BRINP3: variants seen among roughly 807,000 people sequenced by gnomAD.
BRINP3 encodes the protein BMP/retinoic acid-inducible neural-specific protein 3.
BRINP3 carries 19 observed loss-of-function variants against 71.0 expected under a neutral mutation model. That is an observed-to-expected ratio of 0.27 (90% CI 0.19 to 0.39). The LOEUF (loss-of-function observed/expected upper bound fraction) is 0.39. Ranked by LOEUF, BRINP3 falls within the 10% of genes least tolerant of loss-of-function variation. The probability of loss-of-function intolerance (pLI) is 1.00; values close to 1 mark genes in which losing one functional copy is unlikely to be tolerated. For synonymous variants in BRINP3, 380 were observed against 337.7 expected (o/e 1.13, Z -1.37); for missense variants, 959 against 940.8 (o/e 1.02, Z -0.25).
At chr1:190,278,220 C>T (rs1445641281) in intron 3 of BRINP3, among the ~76,000 whole-genome samples, 1 of 151,606 alleles carries the variant, frequency 6.6e-6, no homozygotes, top group African/African-American at 2.4e-5. Flanking sequence ...GATTTAGGTA[C>T]TTAGGAAGCA....
chr1:190,275,310 T>A (rs1187086289), intron 3 of BRINP3, among the ~76,000 whole-genome samples: 1 of 151,616 alleles, frequency 6.6e-6, no homozygotes, highest in Admixed American at 6.6e-5. Context: ...TTAAGATTAT[T>A]TCTCAGAACA....
chr1:190,201,468 A>G lies in BRINP3; in HGVS notation c.961+24614T>C, dbSNP rs1262390661. Reference sequence around the variant, plus strand: ...AGAAAAGAAAATCCCATTTTAGTTGAAGAAATTCAAGCTGGCTGCATAATT... The same window carrying G: ...AGAAAAGAAAATCCCATTTTAGTTGGAGAAATTCAAGCTGGCTGCATAATT... On this transcript the variant is annotated intron_variant, in intron 6 of 7. Transcript: ENST00000367462. 2.6e-5 allele frequency among the ~76,000 whole-genome samples: 4 copies of G among 152,236 alleles called. No individual in the cohort carries two copies. In the East Asian group the frequency reaches 7.7e-4, roughly 29 times the overall value.
intron 7 of BRINP3, chr1:190,154,148 T>C (rs1177485880): frequency 1.1e-5 from 9 of 785,118 alleles, no homozygotes; most frequent in Non-Finnish European, 1.4e-5. Context: ...CATATTCTTC[T>C]TCCCTTAAGA....
intron 2 of BRINP3, among the ~76,000 whole-genome samples, chr1:190,322,218 T>A (rs979077864): frequency 2.6e-5 from 4 of 151,990 alleles, no homozygotes; most frequent in African/African-American, 9.7e-5. Flanking sequence ...TTGCACCTTA[T>A]CTCTAGAGAC....
intron 2 of BRINP3, among the ~76,000 whole-genome samples, chr1:190,350,227 A>G (rs1306816344): frequency 6.6e-6 from 1 of 152,130 alleles, no homozygotes; most frequent in Non-Finnish European, 1.5e-5. Flanking sequence ...TCATCGCTCT[A>G]CAAATCTCCT....
chr1:190,119,813 C>T (rs1023535831), intron 7 of BRINP3, among the ~76,000 whole-genome samples: 1 of 152,144 alleles, frequency 6.6e-6, no homozygotes, highest in Non-Finnish European at 1.5e-5. Context: ...GTCCCAGATT[C>T]TGAAATAAGC....
chr1:190,451,132 C>T (rs757029828), intron 2 of BRINP3, among the ~76,000 whole-genome samples: 5 of 151,944 alleles, frequency 3.3e-5, no homozygotes, highest in Non-Finnish European at 7.4e-5. Flanking sequence ...ACATCATTTT[C>T]CCAATAATTC....
At chr1:190,363,947 T>C (rs1222759565) in intron 2 of BRINP3, among the ~76,000 whole-genome samples, 1 of 152,016 alleles carries the variant, frequency 6.6e-6, no homozygotes, top group Non-Finnish European at 1.5e-5. Context: ...GAAAACAAAT[T>C]AAATTTTGGA....
intron 7 of BRINP3, among the ~76,000 whole-genome samples, chr1:190,126,039 AT>A: frequency 6.6e-6 from 1 of 152,050 alleles, no homozygotes; most frequent in South Asian, 2.1e-4. Flanking sequence ...GAAAGCTACC[AT>A]TTGAGTCTTT....
chr1:190,189,362 G>A (rs934874449), intron 6 of BRINP3, among the ~76,000 whole-genome samples: 1 of 151,954 alleles, frequency 6.6e-6, no homozygotes, highest in Non-Finnish European at 1.5e-5. Context: ...TCATTATTCA[G>A]TCTTAGTAGG....
chr1:190,211,055 C>T (rs1655941757), intron 6 of BRINP3, among the ~76,000 whole-genome samples: 1 of 152,080 alleles, frequency 6.6e-6, no homozygotes, highest in Non-Finnish European at 1.5e-5. Flanking sequence ...GCTACACTGT[C>T]AGCTTCCCTA....
In BRINP3 at chr1:190,201,664, G is replaced by T. The variant is rs189970392; in HGVS notation, c.961+24418C>A. On this transcript the variant is annotated intron_variant, in intron 6 of 7. Coordinates refer to ENST00000367462, the MANE Select transcript of BRINP3 (RefSeq NM_199051.3). ...GGTCACATGCTGTGTGTAGCCTAGG[G>T]ACTTGGTGTCCTGCATCCCAGCTGC... Among the ~76,000 whole-genome samples the T allele has an allele frequency of 4.5e-4, 69 of 152,308 alleles. 3 individuals carry two copies. The East Asian group carries it at 0.013, about 28-fold the overall frequency.
intron 7 of BRINP3, among the ~76,000 whole-genome samples, chr1:190,159,801 C>G (rs1342169200): frequency 1.3e-5 from 2 of 151,588 alleles, no homozygotes; most frequent in Non-Finnish European, 2.9e-5. Context: ...ATACTAGACA[C>G]CAATAAATTG....
At chr1:190,176,439 C>T (rs1652514069) in intron 6 of BRINP3, among the ~76,000 whole-genome samples, 1 of 152,114 alleles carries the variant, frequency 6.6e-6, no homozygotes, top group African/African-American at 2.4e-5. Context: ...TTGTAAAGGA[C>T]ACAAATGGGA....
intron 2 of BRINP3, among the ~76,000 whole-genome samples, chr1:190,387,884 C>T (rs1299266036): frequency 6.6e-6 from 1 of 151,686 alleles, no homozygotes; most frequent in Non-Finnish European, 1.5e-5. Context: ...TAACCAATTT[C>T]TGGGTATTTC....
chr1:190,247,897 G>A (rs1036249163), intron 4 of BRINP3, among the ~76,000 whole-genome samples: 2 of 151,800 alleles, frequency 1.3e-5, no homozygotes, highest in South Asian at 2.1e-4. Context: ...GTCACAGACC[G>A]TTGGGGTCTT....
intron 6 of BRINP3, among the ~76,000 whole-genome samples, chr1:190,206,064 A>G (rs761092414): frequency 2.0e-5 from 3 of 152,032 alleles, no homozygotes; most frequent in Non-Finnish European, 4.4e-5. Context: ...AATCTTACCT[A>G]TGGTCTAGAG....
In BRINP3 at chr1:190,234,399, T is replaced by C. The variant is rs1469252746; in HGVS notation, c.697A>G (p.Ser233Gly). 1.2e-6 allele frequency: 2 copies of C among 1,612,120 alleles called. No homozygotes were observed. The highest frequency in any genetic ancestry group is 1.7e-6 in the Non-Finnish European group (2 of 1,178,852). ...TGCAACTGAATCTTATTCTCAGGAC[T>C]CTGAACCAGAACAGAACTGACAGAA... Reference protein sequence around the residue: ...LDSVSSVLVQSPENKIQLQGL... With the variant: ...LDSVSSVLVQGPENKIQLQGL... Residue 233 changes from serine (S) to glycine (G), a missense_variant, in exon 5 of 8, where the codon AGT (serine) becomes GGT (glycine). By Grantham distance (56) the Ser-to-Gly change is moderately conservative. Transcript: ENST00000367462.
chr1:190,154,893 T>C (rs1656728740), intron 7 of BRINP3, among the ~76,000 whole-genome samples: 1 of 152,214 alleles, frequency 6.6e-6, no homozygotes, highest in Non-Finnish European at 1.5e-5. Context: ...GGACACTTGG[T>C]GGATCTGTTA....
Sources: gnomAD v4.1 joint callset for allele counts (sites outside exome capture counted in the v4.1 genomes callset) on GRCh38, gnomAD v4.1.1 for gene constraint, MANE v1.5 for transcripts, NCBI Gene and HGNC (gene_info 2026-07-23, HGNC 2026-07-21) for gene names.